IFT25: variants seen among roughly 807,000 people sequenced by gnomAD.
The protein encoded by IFT25 is intraflagellar transport 25, also known as intraflagellar transport protein 25 homolog.
the IFT25 span, among the ~76,000 whole-genome samples, chr1:53,937,924 G>A: frequency 2.0e-5 from 3 of 151,974 alleles, no homozygotes; most frequent in Non-Finnish European, 2.9e-5. Flanking sequence ...AAGAAAGAAG[G>A]GACACAGGCA....
chr1:53,943,937 A>C, the IFT25 span, among the ~76,000 whole-genome samples: 1 of 152,290 alleles, frequency 6.6e-6, no homozygotes, highest in East Asian at 1.9e-4. Context: ...CTTGTTTTTT[A>C]AAAGAGAGTT....
At chr1:53,920,888 A>G in the IFT25 span, among the ~76,000 whole-genome samples, 2 of 148,228 alleles carry the variant, frequency 1.3e-5, no homozygotes, top group Non-Finnish European at 3.0e-5. Flanking sequence ...AAATAAAAGT[A>G]AAGGCCGGGT....
At chr1:53,945,506 G>A in the IFT25 span, 1 of 152,720 alleles carries the variant, frequency 6.5e-6, no homozygotes, top group East Asian at 1.9e-4. Context: ...TGCCCGGCCA[G>A]GCCCCCATAC....
At chr1:53,922,533 A>G in the IFT25 span, among the ~76,000 whole-genome samples, 8 of 152,348 alleles carry the variant, frequency 5.3e-5, no homozygotes, top group South Asian at 6.2e-4. Context: ...GAAAGCAATT[A>G]GCCAATATAT....
the IFT25 span, chr1:53,929,082 G>C: frequency 6.6e-6 from 1 of 152,342 alleles, no homozygotes; most frequent in African/African-American, 2.4e-5. Flanking sequence ...TGCCATGAGG[G>C]GCTAACCTCT....
chr1:53,920,148 ATTC>A, the IFT25 span, among the ~76,000 whole-genome samples: 1 of 152,190 alleles, frequency 6.6e-6, no homozygotes, highest in Non-Finnish European at 1.5e-5. Context: ...ATGAGCAGGA[ATTC>A]TTCTGCAAAG....
chr1:53,930,974 G>A, the IFT25 span, among the ~76,000 whole-genome samples: 11 of 152,062 alleles, frequency 7.2e-5, no homozygotes, highest in Non-Finnish European at 1.6e-4. Context: ...TACCTACAGT[G>A]GAATTTACCT....
the IFT25 span, among the ~76,000 whole-genome samples, chr1:53,944,498 A>G: frequency 6.6e-6 from 1 of 152,220 alleles, no homozygotes; most frequent in South Asian, 2.1e-4. Flanking sequence ...TATAAAAATT[A>G]GCTGGGTGTG....
At chr1:53,939,074 CAAAAAAAAA>C in the IFT25 span, among the ~76,000 whole-genome samples, 7 of 22,560 alleles carry the variant, frequency 3.1e-4, no homozygotes, top group Non-Finnish European at 5.7e-4. Flanking sequence ...AACTCCGTCT[CAAAAAAAAA>C]AAAAAAAAAA....
the IFT25 span, chr1:53,930,079 T>A: frequency 6.3e-7 from 1 of 1,577,696 alleles, no homozygotes; most frequent in East Asian, 2.3e-5. Flanking sequence ...TCCTTACATG[T>A]TTGTGGAAAC....
the IFT25 span, among the ~76,000 whole-genome samples, chr1:53,924,171 A>G: frequency 6.6e-6 from 1 of 152,238 alleles, no homozygotes; most frequent in Non-Finnish European, 1.5e-5. Flanking sequence ...AGTATAAGCA[A>G]AAGGAAATGC....
the IFT25 span, among the ~76,000 whole-genome samples, chr1:53,940,938 G>C: frequency 6.6e-6 from 1 of 151,594 alleles, no homozygotes; most frequent in Non-Finnish European, 1.5e-5. Context: ...CCAGAACTTT[G>C]GGAGGCCAAA....
At chr1:53,941,874 A>T in the IFT25 span, among the ~76,000 whole-genome samples, 5 of 152,192 alleles carry the variant, frequency 3.3e-5, no homozygotes, top group African/African-American at 1.2e-4. Flanking sequence ...AGATTTCAAC[A>T]AAGCTTCAGA....
chr1:53,912,507 G>A, the IFT25 span, among the ~76,000 whole-genome samples: 2 of 152,216 alleles, frequency 1.3e-5, no homozygotes, highest in Non-Finnish European at 2.9e-5. Flanking sequence ...AGAGGGCACA[G>A]AGGAGACAGC....
At chr1:53,932,900 A>G in the IFT25 span, among the ~76,000 whole-genome samples, 1 of 152,086 alleles carries the variant, frequency 6.6e-6, no homozygotes. Flanking sequence ...TGTTGATTAT[A>G]GTGTTCTATA....
chr1:53,919,423 C>T, the IFT25 span, among the ~76,000 whole-genome samples: 1 of 152,218 alleles, frequency 6.6e-6, no homozygotes, highest in African/African-American at 2.4e-5. Context: ...CAGAGATGAA[C>T]AGTCCTTGCT....
the IFT25 span, among the ~76,000 whole-genome samples, chr1:53,945,291 A>G: frequency 6.6e-6 from 1 of 152,292 alleles, no homozygotes; most frequent in South Asian, 2.1e-4. Flanking sequence ...TCGATTTACA[A>G]CTGGTTTTCC....
chr1:53,927,118 T>C, the IFT25 span, among the ~76,000 whole-genome samples: 1 of 152,244 alleles, frequency 6.6e-6, no homozygotes, highest in African/African-American at 2.4e-5. Context: ...AAATTAGAGC[T>C]AAAAGCTTGA....
chr1:53,934,281 T>C, the IFT25 span, among the ~76,000 whole-genome samples: 1 of 152,154 alleles, frequency 6.6e-6, no homozygotes, highest in Admixed American at 6.5e-5. Context: ...GTTGACAGGG[T>C]TTTTAAATAT....
Sources: gnomAD v4.1 joint callset for allele counts (sites outside exome capture counted in the v4.1 genomes callset) on GRCh38, gnomAD v4.1.1 for gene constraint, MANE v1.5 for transcripts, NCBI Gene and HGNC (gene_info 2026-07-23, HGNC 2026-07-21) for gene names.